Variants in LINC02747 observed in about 807,000 individuals in gnomAD.
LINC02747 encodes the protein CCND1-upstream intergenic DNA repair 2.
Position 69,479,254 on chromosome 11 carries a change from C to CAAA in LINC02747, n.121-1644_121-1642dup, listed in dbSNP as rs34812492. On this transcript the variant is annotated intron_variant and non_coding_transcript_variant, in intron 1 of 1. Transcript: ENST00000645449. ...TGGGTGACAAAGTGAGACTCTGTCT[C>CAAA]AAAAAAAAAAAAAAAAAAAAAAAGA... 2.2e-3 allele frequency among the ~76,000 whole-genome samples: 104 copies of CAAA among 47,454 alleles called. 4 individuals carry two copies. Among genetic ancestry groups the CAAA allele is most frequent in the East Asian group, 8.4e-3 (13 of 1,552 alleles). The allele number at this position is 47,454 out of a possible 152,430, so 31.1% of individuals were successfully genotyped here.
exon 2 of LINC02747, chr11:69,476,339 T>G (rs1175682644): frequency 6.6e-6 from 1 of 152,112 alleles, no homozygotes; most frequent in East Asian, 1.9e-4. Flanking sequence ...TGGCCCCTCC[T>G]AGGCAGCCGG....
At chr11:69,479,209 C>G (rs557765309) in intron 1 of LINC02747, among the ~76,000 whole-genome samples, 1 of 136,942 alleles carries the variant, frequency 7.3e-6, no homozygotes, top group Non-Finnish European at 1.5e-5. Context: ...GAGCCAAGAT[C>G]GCGCCACTGC....
At chr11:69,477,318 G>T (rs140247066) in exon 2 of LINC02747, 1 of 152,256 alleles carries the variant, frequency 6.6e-6, no homozygotes, top group East Asian at 1.9e-4. Flanking sequence ...TCACCGTGAC[G>T]ACAGCCATGG....
chr11:69,478,626 C>T (rs1857017611), intron 1 of LINC02747, among the ~76,000 whole-genome samples: 1 of 149,970 alleles, frequency 6.7e-6, no homozygotes, highest in African/African-American at 2.5e-5. Flanking sequence ...GGAGGATCAC[C>T]CTGGGGTCAG....
intron 1 of LINC02747, among the ~76,000 whole-genome samples, chr11:69,479,480 C>G (rs1483830325): frequency 6.6e-6 from 1 of 152,110 alleles, no homozygotes; most frequent in Non-Finnish European, 1.5e-5. Flanking sequence ...TTCTCATGAG[C>G]AGAAAAACGC....
At chr11:69,481,119 C>T (rs76987532) in intron 1 of LINC02747, among the ~76,000 whole-genome samples, 2,262 of 152,362 alleles carry the variant, frequency 0.015, 32 homozygotes, top group Non-Finnish European at 0.024. Flanking sequence ...CAGCTTCCCT[C>T]CTTCCGTCAG....
At chr11:69,476,074 T>C (rs1045467074) in exon 2 of LINC02747, 2 of 152,054 alleles carry the variant, frequency 1.3e-5, no homozygotes, top group Non-Finnish European at 2.9e-5. Flanking sequence ...GCCCACCCCT[T>C]GACCTCGAAT....
exon 2 of LINC02747, chr11:69,477,445 AC>A (rs1857006345): frequency 6.6e-6 from 1 of 152,262 alleles, no homozygotes; most frequent in African/African-American, 2.4e-5. Flanking sequence ...TCACATGCTC[AC>A]CACACTTTAC....
chr11:69,475,847 A>G (rs540919513), exon 2 of LINC02747: 2 of 152,234 alleles, frequency 1.3e-5, no homozygotes, highest in African/African-American at 4.8e-5. Context: ...ATGCCATCAC[A>G]TTGGGAGTTA....
chr11:69,479,463 G>T (rs17136590), intron 1 of LINC02747, among the ~76,000 whole-genome samples: 4,289 of 152,138 alleles, frequency 0.028, 210 homozygotes, highest in African/African-American at 0.097. Flanking sequence ...GCAATCAACA[G>T]GTATTATTCT....
At chr11:69,478,236 C>A (rs1393471084) in intron 1 of LINC02747, among the ~76,000 whole-genome samples, 2 of 152,126 alleles carry the variant, frequency 1.3e-5, no homozygotes, top group Non-Finnish European at 2.9e-5. Flanking sequence ...CCGTGTGGGG[C>A]AGTAAGACAG....
At chr11:69,480,119 G>A (rs1355198445) in intron 1 of LINC02747, among the ~76,000 whole-genome samples, 1 of 152,220 alleles carries the variant, frequency 6.6e-6, no homozygotes, top group African/African-American at 2.4e-5. Context: ...TGGCTCAACG[G>A]CTTTATCTGA....
At chr11:69,477,847 C>T (rs1857010646) in intron 1 of LINC02747, among the ~76,000 whole-genome samples, 1 of 152,294 alleles carries the variant, frequency 6.6e-6, no homozygotes, top group East Asian at 1.9e-4. Flanking sequence ...CTACGAGATT[C>T]GTGGAGCCCT....
intron 1 of LINC02747, among the ~76,000 whole-genome samples, chr11:69,480,297 G>A (rs112479630): frequency 0.028 from 4,264 of 152,278 alleles, 208 homozygotes; most frequent in African/African-American, 0.097. Flanking sequence ...CTGACCCTGA[G>A]CACATCCCAG....
chr11:69,478,701 G>T (rs1435498723), intron 1 of LINC02747, among the ~76,000 whole-genome samples: 1 of 152,050 alleles, frequency 6.6e-6, no homozygotes, highest in Non-Finnish European at 1.5e-5. Flanking sequence ...CTGGTGTGGT[G>T]GTGAGCACCT....
chr11:69,480,537 T>A (rs1857039116), intron 1 of LINC02747, among the ~76,000 whole-genome samples: 1 of 152,198 alleles, frequency 6.6e-6, no homozygotes, highest in South Asian at 2.1e-4. Context: ...AGAAGTCCTC[T>A]GAGAGCTTCC....
At chr11:69,478,156 A>G (rs1590866344) in intron 1 of LINC02747, among the ~76,000 whole-genome samples, 1 of 152,180 alleles carries the variant, frequency 6.6e-6, no homozygotes, top group African/African-American at 2.4e-5. Context: ...GTGAGGCAGG[A>G]TATTGCTGGG....
intron 1 of LINC02747, among the ~76,000 whole-genome samples, chr11:69,479,308 G>T (rs925316736): frequency 7.7e-6 from 1 of 129,768 alleles, no homozygotes; most frequent in East Asian, 2.3e-4. Flanking sequence ...AGAGAGAAAA[G>T]AAAAAACAAG....
At chr11:69,478,319 T>C (rs531944459) in intron 1 of LINC02747, among the ~76,000 whole-genome samples, 1 of 152,200 alleles carries the variant, frequency 6.6e-6, no homozygotes, top group Non-Finnish European at 1.5e-5. Context: ...GCTGACTCCC[T>C]GCACAGGTAC....
Sources: allele counts gnomAD v4.1 joint callset (sites outside exome capture counted in the v4.1 genomes callset), GRCh38; gene constraint gnomAD v4.1.1; transcripts MANE v1.5; gene names NCBI Gene and HGNC (gene_info 2026-07-23, HGNC 2026-07-21).